ANAPC4: variants seen among roughly 807,000 people sequenced by gnomAD.
The protein encoded by ANAPC4 is anaphase-promoting complex subunit 4.
Under a neutral mutation model 119.8 loss-of-function variants are expected in ANAPC4, and 63 were observed. That is an observed-to-expected ratio of 0.53 (90% CI 0.43 to 0.65). The LOEUF (loss-of-function observed/expected upper bound fraction) is 0.65, where lower values mean the gene tolerates loss of function less well. Among genes scored for constraint, ANAPC4 ranks in the 30% least tolerant of loss-of-function variants. The pLI, the probability that ANAPC4 is intolerant of heterozygous loss-of-function variation, is 0.00. For missense variants in ANAPC4, 716 were observed against 945.1 expected (o/e 0.76, Z 3.18); for synonymous variants, 283 against 318.6 (o/e 0.89, Z 1.19).
At position 25,383,337 on chromosome 4, in the gene ANAPC4, T is replaced by C. The variant is rs762128577; in HGVS notation, c.312T>C (p.Phe104=). 2.5e-6 allele frequency: 4 copies of C among 1,613,500 alleles called. No individual in the cohort carries two copies. In the East Asian group the frequency reaches 6.7e-5, roughly 27 times the overall value. The change falls in exon 4 of 29, where the codon TTT becomes TTC. Residue 104 remains phenylalanine, a synonymous_variant. Transcript: ENST00000315368. ...AAAAACCTGAGAGCTTACACTCTTT[T>C]TCTGTGGAGGCTCCAGTTTCCTGTA... The part of the protein sequence containing the change: ...DVEKPESLHS[F]SVEAPVSCMH...
intron 20 of ANAPC4, 128 bp from the exon 21 acceptor site, chr4:25,409,570 T>C: frequency 3.2e-6 from 2 of 624,382 alleles, no homozygotes; most frequent in South Asian, 4.3e-5. Context: ...GTGTTAAAAA[T>C]AAACCGATTT....
chr4:25,410,899 A>G (rs1189211943), intron 21 of ANAPC4, among the ~76,000 whole-genome samples: 1 of 152,174 alleles, frequency 6.6e-6, no homozygotes, highest in Admixed American at 6.5e-5. Context: ...ACATATTCCA[A>G]ATTCCAAAAA....
chr4:25,417,644 A>T lies in ANAPC4; in HGVS notation c.2104A>T (p.Thr702Ser). The T allele has an allele frequency of 6.2e-7, 1 of 1,613,154 alleles. No homozygotes were observed. The highest frequency in any genetic ancestry group is 1.1e-5 in the South Asian group (1 of 90,978). ...AGATGAACAGTGTAGTGCTATTCCC[A>T]CCCGTACCATGCATTTTGAGAAGCA... ...RLDEQCSAIP[T>S]RTMHFEKHWR... is the part of the protein sequence containing the mutation. Residue 702 changes from threonine to serine, a missense_variant, in exon 28 of 29, where the codon ACC (threonine) becomes TCC (serine). Thr to Ser is a moderately conservative substitution (Grantham distance 58, BLOSUM62 1). Transcript: ENST00000315368.
At chr4:25,387,880 T>G (rs937403486) in intron 4 of ANAPC4, among the ~76,000 whole-genome samples, 2 of 152,166 alleles carry the variant, frequency 1.3e-5, no homozygotes, top group African/African-American at 2.4e-5. Context: ...TTCATGCCTA[T>G]AATCCTAGCA....
rs779252233 is a variant in ANAPC4 at position 25,377,570 on chromosome 4, C to G, written c.129+14C>G. The G allele has an allele frequency of 6.3e-7, 1 of 1,594,770 alleles. No individual in the cohort carries two copies. Among genetic ancestry groups the G allele is most frequent in the Non-Finnish European group, 8.5e-7 (1 of 1,173,662 alleles). On this transcript the variant is annotated intron_variant, in intron 2 of 28. Transcript: ENST00000315368. Reference sequence around the variant, plus strand: ...ACAGCTGGCGAGGTGAGTGAGCCGGCGGGAGCCCGCCTGTGCTGGGTCTGC... The same window carrying G: ...ACAGCTGGCGAGGTGAGTGAGCCGGGGGGAGCCCGCCTGTGCTGGGTCTGC...
intron 3 of ANAPC4, among the ~76,000 whole-genome samples, chr4:25,381,872 G>A (rs1170774785): frequency 2.6e-5 from 4 of 152,136 alleles, no homozygotes; most frequent in Admixed American, 6.5e-5. Flanking sequence ...GCTTGAACCC[G>A]GGAGGTGGAG....
chr4:25,415,309 C>A, intron 25 of ANAPC4, 157 bp from the exon 26 acceptor site: 3 of 494,342 alleles, frequency 6.1e-6, no homozygotes, highest in South Asian at 4.6e-5. Context: ...TGATTTTAAA[C>A]CAAATTGGTT....
intron 1 of ANAPC4, 24 bp downstream of exon 1, chr4:25,377,368 CG>C (rs1360267903): frequency 1.2e-5 from 19 of 1,599,482 alleles, no homozygotes; most frequent in Non-Finnish European, 1.6e-5. Flanking sequence ...CGGGGCTCCT[CG>C]TGGAGAGCCG....
intron 16 of ANAPC4, among the ~76,000 whole-genome samples, chr4:25,399,268 A>G (rs957553915): frequency 7.2e-5 from 11 of 152,176 alleles, no homozygotes; most frequent in African/African-American, 2.2e-4. Flanking sequence ...ATTAACCTAC[A>G]GTTCAATTCC....
chr4:25,377,570 C>T lies in ANAPC4; in HGVS notation c.129+14C>T. On this transcript the variant is annotated intron_variant, in intron 2 of 28. Coordinates refer to ENST00000315368, the MANE Select transcript of ANAPC4 (RefSeq NM_013367.3). ...ACAGCTGGCGAGGTGAGTGAGCCGG[C>T]GGGAGCCCGCCTGTGCTGGGTCTGC... is the stretch of plus-strand genomic sequence containing the variant. 1 of 1,594,768 alleles carries T rather than the reference C, an allele frequency of 6.3e-7. No individual in the cohort carries two copies. Among genetic ancestry groups the T allele is most frequent in the South Asian group, 1.1e-5 (1 of 88,854 alleles).
intron 20 of ANAPC4, among the ~76,000 whole-genome samples, chr4:25,407,884 G>T (rs548723650): frequency 2.6e-3 from 394 of 152,060 alleles, no homozygotes; most frequent in African/African-American, 9.1e-3. Context: ...GACAGAGGGA[G>T]ACTCAGTCTC....
At chr4:25,407,371 C>A (rs151138465) in intron 20 of ANAPC4, 118 bp downstream of exon 20, 8 of 657,120 alleles carry the variant, frequency 1.2e-5, no homozygotes, top group Middle Eastern at 2.7e-4. Flanking sequence ...GTAAAATTAA[C>A]AAAGAGCAGC....
At chr4:25,396,977 T>C (rs1198082206) in intron 16 of ANAPC4, 78 bp downstream of exon 16, 2 of 1,379,030 alleles carry the variant, frequency 1.5e-6, no homozygotes, top group Admixed American at 2.3e-5. Context: ...AGTAAGCTGT[T>C]ATGATTCTCT....
rs753525889 is a variant in ANAPC4 at position 25,417,618 on chromosome 4, T to C, written c.2078T>C (p.Leu693Pro). 6.3e-7 allele frequency: 1 copy of C among 1,593,380 alleles called. No homozygotes were observed. Among genetic ancestry groups the C allele is most frequent in the Non-Finnish European group, 8.5e-7 (1 of 1,173,220 alleles). Residue 693 changes from leucine (L) to proline (P), a missense_variant and splice_region_variant, in exon 28 of 29, where the codon CTA becomes CCA. This residue lies in a region of ANAPC4 where 504 missense variants were observed against 615.8 expected (regional missense o/e 0.82). Coordinates refer to ENST00000315368, the MANE Select transcript of ANAPC4 (RefSeq NM_013367.3). Reference sequence around the variant, plus strand: ...AGTTGGTTTTTTTCCCTCTTTAGGCTAGATGAACAGTGTAGTGCTATTCCC... The same window carrying C: ...AGTTGGTTTTTTTCCCTCTTTAGGCCAGATGAACAGTGTAGTGCTATTCCC... ...YQFTGTYSTR[L>P]DEQCSAIPTR... is the part of the protein sequence containing the mutation.
chr4:25,394,349 C>T lies in ANAPC4; in HGVS notation c.916C>T (p.His306Tyr), dbSNP rs1257103121. The T allele has an allele frequency of 1.3e-6, 2 of 1,580,784 alleles. No individual in the cohort carries two copies. Among genetic ancestry groups the T allele is most frequent in the South Asian group, 1.2e-5 (1 of 83,550 alleles). The change falls in exon 12 of 29, where the codon CAC becomes TAC. Residue 306 changes from histidine to tyrosine, a missense_variant. Around this residue, in one of 3 missense-constraint regions of ANAPC4, gnomAD observed 504 missense variants for 615.8 expected, o/e 0.82. Transcript: ENST00000315368. ...TTTSVQDEFM[H>Y]LLLWGKASAE... ...CACATCAGTGCAAGATGAGTTCATG[C>T]ACTTGCTATTATGGGGGAAAGCAAG... is the stretch of plus-strand genomic sequence containing the variant.
At position 25,418,243 on chromosome 4, in the gene ANAPC4, A is replaced by C. The variant is rs748109493; in HGVS notation, c.2288A>C (p.Glu763Ala). 4 of 1,613,996 alleles carry C rather than the reference A, an allele frequency of 2.5e-6. No homozygotes were observed. Among genetic ancestry groups the C allele is most frequent in the Non-Finnish European group, 3.4e-6 (4 of 1,179,988 alleles). Residue 763 changes from glutamate to alanine, a missense_variant, in exon 29 of 29, where the codon GAG becomes GCG. By Grantham distance (107) the Glu-to-Ala change is moderately radical. Coordinates refer to ENST00000315368, the MANE Select transcript of ANAPC4 (RefSeq NM_013367.3). ...ELDESSDEEE[E>A]ASNKPVKIKE... The stretch of plus-strand genomic sequence containing the variant: ...GATGAGTCTTCAGATGAAGAGGAGG[A>C]GGCCAGTAATAAGCCTGTAAAAATA...
At position 25,390,143 on chromosome 4, in the gene ANAPC4, A is replaced by G; in HGVS notation, c.523A>G (p.Ile175Val). The G allele has an allele frequency of 1.9e-6, 3 of 1,611,670 alleles. No individual in the cohort carries two copies. In the East Asian group the frequency reaches 6.7e-5, roughly 36 times the overall value. ...TGCATTGTTTTTAATTAGGCTTAAT[A>G]TTCTCGTCCTTGGAGGAAGCTCTGG... ...IKLLGDVRLNILVLGGSSGFI... is the reference protein window; with the variant it reads ...IKLLGDVRLNVLVLGGSSGFI... The change falls in exon 8 of 29, where the codon ATT (isoleucine) becomes GTT (valine). Residue 175 changes from isoleucine (I) to valine (V), a missense_variant. Around this residue, in one of 3 missense-constraint regions of ANAPC4, gnomAD observed 202 missense variants for 293.5 expected, o/e 0.69. Coordinates refer to ENST00000315368, the MANE Select transcript of ANAPC4 (RefSeq NM_013367.3).
chr4:25,402,806 G>A (rs1723047385), intron 16 of ANAPC4, among the ~76,000 whole-genome samples, 165 bp from the exon 17 acceptor site: 1 of 151,900 alleles, frequency 6.6e-6, no homozygotes, highest in African/African-American at 2.4e-5. Flanking sequence ...TTTATTTTTA[G>A]GTAGGCGTTT....
At chr4:25,402,728 C>T (rs1723042547) in intron 16 of ANAPC4, among the ~76,000 whole-genome samples, 1 of 152,136 alleles carries the variant, frequency 6.6e-6, no homozygotes. Context: ...TGTGGCAAGG[C>T]TCTTGTAACC....
Sources: gnomAD v4.1 joint callset for allele counts (sites outside exome capture counted in the v4.1 genomes callset) on GRCh38, gnomAD v4.1.1 for gene constraint, gnomAD v4.1.1 regional missense constraint, MANE v1.5 for transcripts, NCBI Gene and HGNC (gene_info 2026-07-23, HGNC 2026-07-21) for gene names.